Variants in TJP2 observed in about 807,000 individuals in gnomAD.
The protein encoded by TJP2 is Friedreich ataxia region gene X104 (tight junction protein ZO-2).
Under a neutral mutation model 133.1 loss-of-function variants are expected in TJP2, and 91 were observed. The observed-to-expected ratio is 0.68, with a 90% CI of 0.58 to 0.81. The LOEUF is 0.81. Ranked by LOEUF, TJP2 falls within the 40% of genes least tolerant of loss-of-function variation. The probability of loss-of-function intolerance (pLI) is 0.00; values close to 1 mark genes in which losing one functional copy is unlikely to be tolerated. For missense variants in TJP2, 1,541 were observed against 1,565.6 expected (o/e 0.98, Z 0.26); for synonymous variants, 592 against 583.4 (o/e 1.01, Z -0.21).
At position 69,125,265 on chromosome 9, in the gene TJP2, TTATACTACAATC is replaced by T. The variant is rs1822272755; in HGVS notation, c.-131+3542_-131+3553del. On this transcript the variant is annotated intron_variant, in intron 1 of 5. Transcript: ENST00000423935. ...ACTGCGCCCGGCCAAGTCAAAGTCT[TTATACTACAATC>T]TGTGCGTTTAATAGCACCCTGAGTG... 2.7e-5 allele frequency among the ~76,000 whole-genome samples: 2 copies of T among 72,754 alleles called. 1 individual carries two copies. The highest frequency in any genetic ancestry group is 4.2e-4 in the Admixed American group (2 of 4,814). The allele number at this position is 72,754 out of a possible 152,430, so 47.7% of individuals were successfully genotyped here.
chr9:69,187,880 C>T (rs986045995), intron 1 of TJP2, among the ~76,000 whole-genome samples: 5 of 152,156 alleles, frequency 3.3e-5, no homozygotes, highest in Non-Finnish European at 7.3e-5. Flanking sequence ...GATAAGCACA[C>T]GTTTATCACA....
chr9:69,249,494 C>G lies in TJP2; in HGVS notation c.2991+9C>G. On this transcript the variant is annotated intron_variant, in intron 20 of 22. Coordinates refer to ENST00000377245, the MANE Select transcript of TJP2 (RefSeq NM_004817.4). ...AGCCAGAGCCGCCCAAGGTACGTGGCTGGGAAGCCCAGGATGGGAAGGAAG... is the reference window on the plus strand; with the variant it reads ...AGCCAGAGCCGCCCAAGGTACGTGGGTGGGAAGCCCAGGATGGGAAGGAAG... The G allele has an allele frequency of 6.3e-7, 1 of 1,595,658 alleles. No homozygotes were observed. Among genetic ancestry groups the G allele is most frequent in the Non-Finnish European group, 8.5e-7 (1 of 1,169,736 alleles).
At chr9:69,222,943 C>T (rs1204128586) in intron 5 of TJP2, among the ~76,000 whole-genome samples, 1 of 152,014 alleles carries the variant, frequency 6.6e-6, no homozygotes, top group Non-Finnish European at 1.5e-5. Flanking sequence ...GTGGTGGGTG[C>T]CTGTAATCCC....
chr9:69,227,381 C>G (rs1829430615), intron 7 of TJP2, among the ~76,000 whole-genome samples: 1 of 152,134 alleles, frequency 6.6e-6, no homozygotes, highest in Non-Finnish European at 1.5e-5. Flanking sequence ...CTCAGTCTCC[C>G]CTCAACTGCC....
At chr9:69,147,667 A>C (rs1823273647) in intron 1 of TJP2, among the ~76,000 whole-genome samples, 1 of 152,178 alleles carries the variant, frequency 6.6e-6, no homozygotes, top group Admixed American at 6.5e-5. Context: ...CTCTACTAGC[A>C]ATTGGAATAA....
chr9:69,164,548 G>A (rs532629225), intron 2 of TJP2, among the ~76,000 whole-genome samples: 31 of 152,276 alleles, frequency 2.0e-4, no homozygotes, highest in African/African-American at 6.7e-4. Context: ...GGATTCTCTC[G>A]TTGGAGTCAA....
At chr9:69,177,067 A>G (rs1454563539) in intron 1 of TJP2, among the ~76,000 whole-genome samples, 1 of 152,186 alleles carries the variant, frequency 6.6e-6, no homozygotes, top group African/African-American at 2.4e-5. Flanking sequence ...TCCTTGCCTC[A>G]TCTCTAGAAC....
intron 13 of TJP2, 72 bp downstream of exon 13, chr9:69,236,310 TC>T: frequency 6.7e-7 from 1 of 1,494,528 alleles, no homozygotes; most frequent in East Asian, 2.3e-5. Flanking sequence ...CCGCCCCCCT[TC>T]CCCCGTAAAA....
chr9:69,153,933 C>T (rs1006661196), intron 2 of TJP2, among the ~76,000 whole-genome samples: 3 of 152,194 alleles, frequency 2.0e-5, no homozygotes, highest in African/African-American at 7.2e-5. Flanking sequence ...TCCCAGGCAT[C>T]TCACGTCGCC....
At chr9:69,128,797 A>C (rs1564365605) in intron 1 of TJP2, among the ~76,000 whole-genome samples, 1 of 152,194 alleles carries the variant, frequency 6.6e-6, no homozygotes, top group Non-Finnish European at 1.5e-5. Context: ...AAGTCCTGGG[A>C]TTACAGGCGT....
At chr9:69,220,451 C>T (rs1442891873) in intron 4 of TJP2, among the ~76,000 whole-genome samples, 1 of 152,200 alleles carries the variant, frequency 6.6e-6, no homozygotes, top group Non-Finnish European at 1.5e-5. Flanking sequence ...CTGTAGTCAC[C>T]CTACCGATCT....
rs545265542 is a variant in TJP2, at chr9:69,251,623, A to C, written c.3321+259A>C. On this transcript the variant is annotated intron_variant, in intron 21 of 22. Transcript: ENST00000377245. ...TTTGTATAGAGTTCTGGAATGAGGAAGTGTGAGGAGGGAATCAGTGCCTCT... is the reference window on the plus strand; with the variant it reads ...TTTGTATAGAGTTCTGGAATGAGGACGTGTGAGGAGGGAATCAGTGCCTCT... Among the ~76,000 whole-genome samples the C allele has an allele frequency of 7.9e-5, 12 of 152,242 alleles. No individual in the cohort carries two copies. In the East Asian group the frequency reaches 2.3e-3, roughly 29 times the overall value.
intron 18 of TJP2, among the ~76,000 whole-genome samples, chr9:69,247,429 A>G (rs1446132510): frequency 6.6e-6 from 1 of 152,152 alleles, no homozygotes; most frequent in African/African-American, 2.4e-5. Context: ...AGCTGAACTG[A>G]GGTAGTTTTG....
intron 1 of TJP2, among the ~76,000 whole-genome samples, chr9:69,193,515 T>TAAAAAA (rs11409774): frequency 2.1e-5 from 3 of 140,270 alleles, no homozygotes; most frequent in Non-Finnish European, 4.6e-5. Context: ...AATTCAGAAT[T>TAAAAAA]AAAAAAAAAA....
upstream of TJP2, among the ~76,000 whole-genome samples, chr9:69,170,682 G>T (rs892429159): frequency 1.3e-5 from 2 of 152,196 alleles, no homozygotes; most frequent in Non-Finnish European, 2.9e-5. Context: ...GAAATTCCAT[G>T]TTGTTGGCCT....
intron 1 of TJP2, chr9:69,204,653 C>A: frequency 3.6e-6 from 1 of 277,798 alleles, no homozygotes; most frequent in Non-Finnish European, 5.5e-6. Flanking sequence ...GGACGTAAAA[C>A]ATTTTCTTTT....
intron 3 of TJP2, among the ~76,000 whole-genome samples, chr9:69,216,954 C>A (rs1167865401): frequency 1.3e-5 from 2 of 151,174 alleles, no homozygotes; most frequent in Admixed American, 1.3e-4. Flanking sequence ...GAAGTAACAC[C>A]ATTTTATTTT....
rs766426097 is a variant in TJP2, at chr9:69,162,583, T to G, written c.-10+10812T>G. On this transcript the variant is annotated intron_variant, in intron 2 of 5. Transcript: ENST00000423935. ...TATTTATTCAGCCAATTATGGTATATTCATACAAATGGAATATTATGCAGT... is the reference window on the plus strand; with the variant it reads ...TATTTATTCAGCCAATTATGGTATAGTCATACAAATGGAATATTATGCAGT... Among the ~76,000 whole-genome samples the G allele has an allele frequency of 2.0e-5, 3 of 152,244 alleles. No homozygotes were observed. The South Asian group carries it at 6.2e-4, about 31-fold the overall frequency.
rs140515645 is a variant in TJP2, at chr9:69,224,335, A to G, written c.953-969A>G. Reference sequence around the variant, plus strand: ...GCCTCATTGTCAGCAGAACATGCCTATTAAGGTGTGCTGAATTGTTTTTTT... The same window carrying G: ...GCCTCATTGTCAGCAGAACATGCCTGTTAAGGTGTGCTGAATTGTTTTTTT... On this transcript the variant is annotated intron_variant, in intron 5 of 22. Transcript: ENST00000377245. 2.9e-3 allele frequency among the ~76,000 whole-genome samples: 435 copies of G among 151,968 alleles called. 2 individuals carry two copies. The highest frequency in any genetic ancestry group is 9.8e-3 in the African/African-American group (406 of 41,388).
Sources: gnomAD v4.1 joint callset for allele counts (sites outside exome capture counted in the v4.1 genomes callset) on GRCh38, gnomAD v4.1.1 for gene constraint, MANE v1.5 for transcripts, NCBI Gene and HGNC (gene_info 2026-07-23, HGNC 2026-07-21) for gene names.